The following LHFPL3 variants were observed in gnomAD, a reference collection of about 807,000 sequenced individuals.
LHFPL3 encodes the protein LHFPL tetraspan subfamily member 3.
LHFPL3 carries 5 observed loss-of-function variants against 19.3 expected under a neutral mutation model. The observed-to-expected ratio is 0.26, with a 90% CI of 0.14 to 0.54. LHFPL3 has a LOEUF of 0.54. LHFPL3 is among the 20% of genes least tolerant of loss of function. LHFPL3 has a pLI of 0.94. For synonymous variants in LHFPL3, 133 were observed against 126.2 expected (o/e 1.05, Z -0.36); for missense variants, 249 against 307.4 (o/e 0.81, Z 1.42).
intron 2 of LHFPL3, among the ~76,000 whole-genome samples, chr7:104,791,668 T>C (rs1287118214): frequency 6.6e-6 from 1 of 152,230 alleles, no homozygotes; most frequent in African/African-American, 2.4e-5. Flanking sequence ...TACTTGGGAA[T>C]CTCAACTTCT....
chr7:104,564,583 TAAACAGGC>T, intron 1 of LHFPL3, among the ~76,000 whole-genome samples: 1 of 152,334 alleles, frequency 6.6e-6, no homozygotes, highest in South Asian at 2.1e-4. Flanking sequence ...AGAAAGAAAG[TAAACAGGC>T]AGATTTTGAT....
At chr7:104,805,233 T>C (rs981968981) in intron 2 of LHFPL3, among the ~76,000 whole-genome samples, 2 of 152,234 alleles carry the variant, frequency 1.3e-5, no homozygotes, top group African/African-American at 4.8e-5. Flanking sequence ...AGGACATTGT[T>C]TCATTGACGA....
intron 1 of LHFPL3, among the ~76,000 whole-genome samples, chr7:104,671,769 C>T (rs185088253): frequency 2.4e-4 from 37 of 152,192 alleles, no homozygotes; most frequent in Admixed American, 1.3e-4. Context: ...ACCTTCTAGG[C>T]GCTGAGTATT....
chr7:104,652,943 A>T (rs768089480), intron 1 of LHFPL3, among the ~76,000 whole-genome samples: 3 of 152,036 alleles, frequency 2.0e-5, no homozygotes, highest in Admixed American at 6.6e-5. Context: ...ATTCATTGTG[A>T]TTGGCCATCT....
At chr7:104,529,866 A>G (rs1401630922) in intron 1 of LHFPL3, among the ~76,000 whole-genome samples, 1 of 152,172 alleles carries the variant, frequency 6.6e-6, no homozygotes, top group East Asian at 1.9e-4. Flanking sequence ...ATGAACCAAC[A>G]AGGACAAATC....
intron 2 of LHFPL3, among the ~76,000 whole-genome samples, chr7:104,745,779 G>A (rs1402812081): frequency 1.3e-5 from 2 of 152,146 alleles, no homozygotes; most frequent in Non-Finnish European, 2.9e-5. Context: ...CATGCCATAA[G>A]CTTGTCTGAA....
intron 2 of LHFPL3, among the ~76,000 whole-genome samples, chr7:104,781,104 A>G (rs1233396044): frequency 5.9e-5 from 9 of 151,660 alleles, no homozygotes; most frequent in Non-Finnish European, 1.3e-4. Flanking sequence ...TATCAGAGGG[A>G]AAAAAAAATT....
intron 1 of LHFPL3, among the ~76,000 whole-genome samples, chr7:104,699,577 A>T (rs1168401300): frequency 6.6e-6 from 1 of 152,210 alleles, no homozygotes; most frequent in African/African-American, 2.4e-5. Context: ...TAATGGACAT[A>T]GAGCTTCAGT....
chr7:104,848,839 C>T (rs1330331547), intron 2 of LHFPL3, among the ~76,000 whole-genome samples: 1 of 152,062 alleles, frequency 6.6e-6, no homozygotes, highest in Non-Finnish European at 1.5e-5. Flanking sequence ...GCGAATATGC[C>T]AAGCTGGCTT....
chr7:104,593,694 A>C (rs1790777909), intron 1 of LHFPL3, among the ~76,000 whole-genome samples: 1 of 152,114 alleles, frequency 6.6e-6, no homozygotes, highest in Non-Finnish European at 1.5e-5. Context: ...GTAGGTCTCT[A>C]AGGACTTGCT....
chr7:104,700,941 C>G (rs551964179), intron 1 of LHFPL3, among the ~76,000 whole-genome samples: 2 of 152,286 alleles, frequency 1.3e-5, no homozygotes, highest in South Asian at 4.1e-4. Context: ...CAGGGACCTC[C>G]TTTTACTGCT....
chr7:104,355,094 G>A (rs1343459443), intron 1 of LHFPL3, among the ~76,000 whole-genome samples: 1 of 152,094 alleles, frequency 6.6e-6, no homozygotes, highest in Non-Finnish European at 1.5e-5. Context: ...TTTTGGATAT[G>A]CCTGATTATT....
chr7:104,873,619 T>C (rs1018728789), intron 2 of LHFPL3, among the ~76,000 whole-genome samples: 1 of 152,072 alleles, frequency 6.6e-6, no homozygotes, highest in Non-Finnish European at 1.5e-5. Context: ...CAGAGAAAGA[T>C]TCTGTCTCTA....
At chr7:104,639,251 G>A (rs1480414254) in intron 1 of LHFPL3, among the ~76,000 whole-genome samples, 2 of 152,126 alleles carry the variant, frequency 1.3e-5, no homozygotes, top group African/African-American at 4.8e-5. Flanking sequence ...TTCAATTTCA[G>A]AGTTCATTAT....
rs1793653547 is a variant in LHFPL3, at chr7:104,504,067, C to T, written c.445+174843C>T. On this transcript the variant is annotated intron_variant, in intron 1 of 2. Coordinates refer to ENST00000424859, the MANE Select transcript of LHFPL3 (RefSeq NM_199000.3). ...GTCACCTGTTTTTCATTTTTCTCTC[C>T]AGGCCAGACTCCATTCCTTTCATCT... Among the ~76,000 whole-genome samples, 4 of 152,170 alleles carry T rather than the reference C, an allele frequency of 2.6e-5. No homozygotes were observed. In the South Asian group the frequency reaches 6.2e-4, roughly 24 times the overall value.
intron 1 of LHFPL3, among the ~76,000 whole-genome samples, chr7:104,437,424 C>T (rs188257228): frequency 3.7e-4 from 56 of 152,250 alleles, no homozygotes; most frequent in Non-Finnish European, 6.8e-4. Context: ...TGAACAACAA[C>T]GGGGTGTCCT....
intron 1 of LHFPL3, among the ~76,000 whole-genome samples, chr7:104,512,108 C>T (rs1793828131): frequency 6.6e-6 from 1 of 151,788 alleles, no homozygotes; most frequent in African/African-American, 2.4e-5. Flanking sequence ...GCACGCTCCA[C>T]CACACTCAGC....
chr7:104,868,989 T>C (rs1791783084), intron 2 of LHFPL3, among the ~76,000 whole-genome samples: 1 of 152,206 alleles, frequency 6.6e-6, no homozygotes, highest in Non-Finnish European at 1.5e-5. Context: ...AATTCCCTAT[T>C]TAATAAATGG....
chr7:104,608,905 T>G (rs1431092344), intron 1 of LHFPL3, among the ~76,000 whole-genome samples: 2 of 152,174 alleles, frequency 1.3e-5, no homozygotes, highest in Admixed American at 6.6e-5. Context: ...ATAATGAGGT[T>G]GTTAAAAGAA....
Sources: gnomAD v4.1 joint callset for allele counts (sites outside exome capture counted in the v4.1 genomes callset) on GRCh38, gnomAD v4.1.1 for gene constraint, MANE v1.5 for transcripts, NCBI Gene and HGNC (gene_info 2026-07-23, HGNC 2026-07-21) for gene names.